Variants in CCDC7 observed in about 807,000 individuals in gnomAD.
CCDC7 encodes coiled-coil domain containing 7, also known as coiled-coil domain-containing protein 7.
Under a neutral mutation model 196.9 loss-of-function variants are expected in CCDC7, and 183 were observed. The observed-to-expected ratio is 0.93, with a 90% confidence interval of 0.82 to 1.05. The LOEUF (loss-of-function observed/expected upper bound fraction) is 1.05, where lower values mean the gene tolerates loss of function less well. Among genes scored for constraint, CCDC7 ranks in the 50% least tolerant of loss-of-function variants. The probability of loss-of-function intolerance (pLI) is 0.00; values close to 1 mark genes in which losing one functional copy is unlikely to be tolerated. For missense variants in CCDC7, 1,540 were observed against 1,482.2 expected, an observed-to-expected ratio of 1.04 and a Z score of -0.64; for synonymous variants, 525 against 484.6, an observed-to-expected ratio of 1.08 and a Z score of -1.10.
intron 32 of CCDC7, among the ~76,000 whole-genome samples, chr10:32,824,870 A>T (rs1366090018): frequency 6.6e-6 from 1 of 152,210 alleles, no homozygotes; most frequent in African/African-American, 2.4e-5. Context: ...AATGCTGTTC[A>T]ATTTGCTATT....
chr10:32,588,200 A>C (rs1188164465), intron 18 of CCDC7, among the ~76,000 whole-genome samples: 1 of 152,150 alleles, frequency 6.6e-6, no homozygotes, highest in Non-Finnish European at 1.5e-5. Flanking sequence ...GTAAGAAATA[A>C]ATTTCTTTTC....
At chr10:32,707,023 A>G (rs1257828696) in intron 24 of CCDC7, among the ~76,000 whole-genome samples, 1 of 152,204 alleles carries the variant, frequency 6.6e-6, no homozygotes, top group Non-Finnish European at 1.5e-5. Flanking sequence ...ACAAAAGAAG[A>G]GAATTTTAGA....
chr10:32,828,252 A>T (rs1409726076), intron 32 of CCDC7, among the ~76,000 whole-genome samples: 1 of 151,746 alleles, frequency 6.6e-6, no homozygotes, highest in East Asian at 1.9e-4. Flanking sequence ...TTTGCTTATA[A>T]CTCCTGTCTC....
intron 29 of CCDC7, among the ~76,000 whole-genome samples, chr10:32,796,623 G>T (rs1473943424): frequency 2.0e-5 from 3 of 152,068 alleles, no homozygotes; most frequent in African/African-American, 7.2e-5. Flanking sequence ...TATTTGCCAT[G>T]CCCAAAATGC....
intron 30 of CCDC7, among the ~76,000 whole-genome samples, chr10:32,813,823 A>G (rs2087719213): frequency 6.6e-6 from 1 of 152,228 alleles, no homozygotes; most frequent in African/African-American, 2.4e-5. Flanking sequence ...TGATATTTCA[A>G]TTCATTAAAC....
intron 20 of CCDC7, among the ~76,000 whole-genome samples, chr10:32,637,652 G>A (rs2065898560): frequency 6.6e-6 from 1 of 152,194 alleles, no homozygotes; most frequent in African/African-American, 2.4e-5. Flanking sequence ...ATAGTTTGAA[G>A]TCAGGTAGCG....
At chr10:32,820,836 A>C (rs897147897) in intron 31 of CCDC7, among the ~76,000 whole-genome samples, 18 of 152,374 alleles carry the variant, frequency 1.2e-4, no homozygotes, top group African/African-American at 3.4e-4. Flanking sequence ...TAAAGACTTA[A>C]ATGTTAGACC....
intron 41 of CCDC7, among the ~76,000 whole-genome samples, chr10:32,856,471 G>C (rs1477576886): frequency 6.6e-6 from 1 of 152,096 alleles, no homozygotes; most frequent in Admixed American, 6.5e-5. Flanking sequence ...ACAGCACCCT[G>C]CCTCCCTGGA....
At chr10:32,807,777 T>G (rs1172860574) in intron 30 of CCDC7, among the ~76,000 whole-genome samples, 2 of 151,572 alleles carry the variant, frequency 1.3e-5, no homozygotes, top group Non-Finnish European at 1.5e-5. Context: ...ACACACACCG[T>G]GAGAACCAAG....
At chr10:32,797,345 G>T (rs2083813678) in intron 29 of CCDC7, among the ~76,000 whole-genome samples, 1 of 151,676 alleles carries the variant, frequency 6.6e-6, no homozygotes, top group South Asian at 2.1e-4. Context: ...AAAAAGGAAT[G>T]AATTGATGGC....
At chr10:32,693,980 T>A (rs2077388951) in intron 23 of CCDC7, among the ~76,000 whole-genome samples, 1 of 152,182 alleles carries the variant, frequency 6.6e-6, no homozygotes, top group Admixed American at 6.5e-5. Context: ...ATACAAGTTA[T>A]TATAAAATAA....
intron 18 of CCDC7, among the ~76,000 whole-genome samples, chr10:32,620,105 T>C (rs907490434): frequency 1.3e-5 from 2 of 151,834 alleles, no homozygotes; most frequent in African/African-American, 4.8e-5. Context: ...GTATTTTTAG[T>C]AGAGATGGAG....
intron 9 of CCDC7, among the ~76,000 whole-genome samples, chr10:32,504,492 C>T (rs2044581019): frequency 1.3e-5 from 2 of 152,096 alleles, no homozygotes; most frequent in South Asian, 2.1e-4. Flanking sequence ...TGGTGTATCA[C>T]ATTAGGTTAT....
At chr10:32,583,333 G>A in intron 17 of CCDC7, 26 bp downstream of exon 18, 6 of 1,201,342 alleles carry the variant, frequency 5.0e-6, no homozygotes, top group Non-Finnish European at 6.2e-6. Context: ...AAACTTGAAA[G>A]CTGTTTATTT....
At chr10:32,579,391 T>C (rs2058528532) in intron 16 of CCDC7, among the ~76,000 whole-genome samples, 1 of 152,262 alleles carries the variant, frequency 6.6e-6, no homozygotes. Context: ...CCAGCCATTA[T>C]GGAGGTTATC....
exon 12 of CCDC7, chr10:32,543,319 A>G (rs1005460386): frequency 6.9e-7 from 1 of 1,457,110 alleles, no homozygotes; most frequent in Non-Finnish European, 9.2e-7. Flanking sequence ...CCTACAAATA[A>G]TCGAACAAAG....
chr10:32,649,074 C>T (rs1280098747), intron 20 of CCDC7, among the ~76,000 whole-genome samples: 1 of 152,048 alleles, frequency 6.6e-6, no homozygotes, highest in Non-Finnish European at 1.5e-5. Flanking sequence ...AACTAAATAC[C>T]ACATATTCTT....
chr10:32,576,302 T>TAA (rs61171117), intron 16 of CCDC7, among the ~76,000 whole-genome samples: 17 of 144,360 alleles, frequency 1.2e-4, no homozygotes, highest in Admixed American at 2.0e-4. Context: ...CAAAGGGGGT[T>TAA]AAAAAAAAAA....
chr10:32,630,528 A>G (rs1464644303), intron 18 of CCDC7, among the ~76,000 whole-genome samples: 1 of 151,982 alleles, frequency 6.6e-6, no homozygotes, highest in Non-Finnish European at 1.5e-5. Flanking sequence ...GATAAAGCAA[A>G]TATTAGAGCT....
Sources: allele counts gnomAD v4.1 joint callset (sites outside exome capture counted in the v4.1 genomes callset), GRCh38; gene constraint gnomAD v4.1.1; transcripts MANE v1.5; gene names NCBI Gene and HGNC (gene_info 2026-07-23, HGNC 2026-07-21).